MARK1: variants seen among roughly 807,000 people sequenced by gnomAD.
MARK1 encodes serine/threonine-protein kinase MARK1.
Under a neutral mutation model 96.3 loss-of-function variants are expected in MARK1, and 40 were observed. The ratio of observed to expected loss-of-function variants is 0.42; its 90% CI spans 0.32 to 0.54. The LOEUF is 0.54. Among genes scored for constraint, MARK1 ranks in the 20% least tolerant of loss-of-function variants. The pLI is 0.16. For synonymous variants in MARK1, 317 were observed against 341.2 expected, an observed-to-expected ratio of 0.93 and a Z score of 0.78; for missense variants, 719 against 984.6, an observed-to-expected ratio of 0.73 and a Z score of 3.61.
At chr1:220,623,537 C>G (rs996891527) in intron 9 of MARK1, among the ~76,000 whole-genome samples, 1 of 152,036 alleles carries the variant, frequency 6.6e-6, no homozygotes, top group African/African-American at 2.4e-5. Flanking sequence ...GAGACAAACT[C>G]CTTAGTAGAC....
chr1:220,602,604 T>C (rs1422942929), intron 5 of MARK1, among the ~76,000 whole-genome samples: 1 of 152,136 alleles, frequency 6.6e-6, no homozygotes, highest in Non-Finnish European at 1.5e-5. Context: ...TAGAATTAAC[T>C]GCTATGATGG....
intron 1 of MARK1, among the ~76,000 whole-genome samples, chr1:220,531,001 C>T (rs1365370537): frequency 6.6e-6 from 1 of 152,184 alleles, no homozygotes; most frequent in African/African-American, 2.4e-5. Context: ...TAAAGTCTCT[C>T]CCTGCAAGGA....
intron 3 of MARK1, 122 bp from the exon 4 acceptor site, chr1:220,598,209 G>T (rs1665501458): frequency 5.4e-6 from 2 of 369,586 alleles, no homozygotes; most frequent in African/African-American, 2.2e-5. Context: ...TTGTTTCAAT[G>T]CATTGCCAGA....
chr1:220,565,815 G>A (rs529743010), intron 1 of MARK1, among the ~76,000 whole-genome samples: 14 of 152,260 alleles, frequency 9.2e-5, no homozygotes, highest in Non-Finnish European at 7.4e-5. Flanking sequence ...ACAAGCCTCT[G>A]GCACAAGGGG....
At chr1:220,641,110 T>C (rs1301346670) in intron 13 of MARK1, among the ~76,000 whole-genome samples, 2 of 152,236 alleles carry the variant, frequency 1.3e-5, no homozygotes, top group Non-Finnish European at 2.9e-5. Flanking sequence ...TGTTGTGCTG[T>C]TTTTGAATCA....
chr1:220,600,977 C>T (rs1665700729), intron 5 of MARK1, among the ~76,000 whole-genome samples: 1 of 151,468 alleles, frequency 6.6e-6, no homozygotes, highest in African/African-American at 2.4e-5. Context: ...ACTGCAAGCT[C>T]CGCCTCCCAA....
intron 9 of MARK1, among the ~76,000 whole-genome samples, chr1:220,628,880 A>G (rs1330054404): frequency 6.6e-6 from 1 of 151,650 alleles, no homozygotes; most frequent in African/African-American, 2.4e-5. Context: ...TGAACCCAAG[A>G]GTTCAAGCCT....
chr1:220,580,101 TGCTAGGG>T (rs1262041875), intron 2 of MARK1, among the ~76,000 whole-genome samples: 3 of 152,142 alleles, frequency 2.0e-5, no homozygotes, highest in Admixed American at 1.3e-4. Context: ...TATACCTGTA[TGCTAGGG>T]TTACAGACTT....
intron 1 of MARK1, among the ~76,000 whole-genome samples, chr1:220,561,438 C>T (rs569386771): frequency 2.1e-4 from 32 of 152,194 alleles, no homozygotes; most frequent in African/African-American, 7.7e-4. Flanking sequence ...AGTTCTTCTT[C>T]TTCCAGTGTG....
At chr1:220,573,248 C>T (rs1317270115) in intron 1 of MARK1, among the ~76,000 whole-genome samples, 1 of 151,870 alleles carries the variant, frequency 6.6e-6, no homozygotes, top group East Asian at 1.9e-4. Context: ...TCTTTTATTC[C>T]TTCTCTGGGC....
chr1:220,570,845 A>G (rs1004663024), intron 1 of MARK1, among the ~76,000 whole-genome samples: 15 of 152,206 alleles, frequency 9.9e-5, no homozygotes, highest in Admixed American at 2.6e-4. Flanking sequence ...CACTTGCTCA[A>G]TAAGGGCAGG....
intron 1 of MARK1, among the ~76,000 whole-genome samples, chr1:220,545,481 GGCTAGAGTGCAGTAGCGTGATCACA>G (rs1189250993): frequency 8.4e-6 from 1 of 118,736 alleles, no homozygotes; most frequent in East Asian, 2.8e-4. Context: ...TTCTTGCTCA[GGCTAGAGTGCAGTAGCGTGATCACA>G]GCTCACTGCA....
intron 1 of MARK1, among the ~76,000 whole-genome samples, chr1:220,564,544 G>A (rs775020502): frequency 3.3e-5 from 5 of 151,962 alleles, no homozygotes; most frequent in African/African-American, 7.3e-5. Context: ...ATTAGGTCTC[G>A]GATGGTACAA....
intron 3 of MARK1, among the ~76,000 whole-genome samples, chr1:220,586,028 G>GC (rs1558278516): frequency 4.0e-4 from 37 of 93,242 alleles, no homozygotes; most frequent in Non-Finnish European, 1.0e-4. Flanking sequence ...CGTGCGCAGA[G>GC]AGAGAGAGTT....
At chr1:220,592,270 A>ATATTATAT (rs1488464954) in intron 3 of MARK1, among the ~76,000 whole-genome samples, 1 of 147,328 alleles carries the variant, frequency 6.8e-6, no homozygotes, top group Non-Finnish European at 1.5e-5. Context: ...ATATTATATT[A>ATATTATAT]TACTATCTTG....
chr1:220,662,479 C>A lies in MARK1; in HGVS notation c.*313C>A. Reference sequence around the variant, plus strand: ...ACTTGTATAGTTGTCTAGATTTCTGCACCTGAATGTATGTTTGATGCTTTG... The same window carrying A: ...ACTTGTATAGTTGTCTAGATTTCTGAACCTGAATGTATGTTTGATGCTTTG... On this transcript the variant is annotated 3_prime_UTR_variant, in exon 18 of 18. Transcript: ENST00000366917. 1 of 224,872 alleles carries A rather than the reference C, an allele frequency of 4.4e-6. No individual in the cohort carries two copies. Among genetic ancestry groups the A allele is most frequent in the South Asian group, 1.4e-4 (1 of 7,290 alleles). The allele number at this position is 224,872 out of a possible 1,614,324, so 13.9% of individuals were successfully genotyped here.
chr1:220,575,133 A>T (rs1415896968), intron 1 of MARK1, among the ~76,000 whole-genome samples: 1 of 152,204 alleles, frequency 6.6e-6, no homozygotes, highest in Admixed American at 6.5e-5. Flanking sequence ...GCTCCATGGG[A>T]TGCAGCACTG....
At chr1:220,589,867 A>G (rs935804130) in intron 3 of MARK1, among the ~76,000 whole-genome samples, 6 of 152,198 alleles carry the variant, frequency 3.9e-5, no homozygotes, top group South Asian at 2.1e-4. Context: ...AATTACCTCT[A>G]TTTTTTATAC....
Position 220,635,471 on chromosome 1 carries a change from C to T in MARK1, c.1218C>T (p.His406=). The change falls in exon 12 of 18, where the codon CAC becomes CAT. Residue 406 remains histidine, a synonymous_variant. Coordinates refer to ENST00000366917, the MANE Select transcript of MARK1 (RefSeq NM_018650.5). ...ACAGCACTCTTCAGTCCCCTGCTCA[C>T]CTGAAGGTCCAGAGAAGTATCTCAG... The part of the protein sequence containing the change: ...LNNSTLQSPA[H]LKVQRSISAN... 1 of 1,613,694 alleles carries T rather than the reference C, an allele frequency of 6.2e-7. No individual in the cohort carries two copies. Among genetic ancestry groups the T allele is most frequent in the Non-Finnish European group, 8.5e-7 (1 of 1,179,912 alleles).
Sources: allele counts gnomAD v4.1 joint callset (sites outside exome capture counted in the v4.1 genomes callset), GRCh38; gene constraint gnomAD v4.1.1; transcripts MANE v1.5; gene names NCBI Gene and HGNC (gene_info 2026-07-23, HGNC 2026-07-21).